The following ANO8 variants were observed in gnomAD, a reference collection of about 807,000 sequenced individuals.
ANO8 encodes anoctamin 8.
ANO8 carries 67 observed loss-of-function variants against 120.4 expected under a neutral mutation model. That is an observed-to-expected ratio of 0.56 (90% CI 0.46 to 0.68). The LOEUF is 0.68. Among genes scored for constraint, ANO8 ranks in the 30% least tolerant of loss-of-function variants. The probability of loss-of-function intolerance (pLI) is 0.00; values close to 1 mark genes in which losing one functional copy is unlikely to be tolerated. For synonymous variants in ANO8, 727 were observed against 759.2 expected, an observed-to-expected ratio of 0.96 and a Z score of 0.70; for missense variants, 1,526 against 1,737.6, an observed-to-expected ratio of 0.88 and a Z score of 2.16.
chr19:17,332,460 CTT>C lies in ANO8; in HGVS notation c.586+468_586+469del, dbSNP rs1260852177. Among the ~76,000 whole-genome samples, 10 of 152,226 alleles carry C rather than the reference CTT, an allele frequency of 6.6e-5. No homozygotes were observed. In the East Asian group the frequency reaches 1.7e-3, roughly 26 times the overall value. ...CCGAACGTCTGAGGAATGGTAAAAACTTGCTGTCGGAAGGTGAACTTGGGTGC... is the reference window on the plus strand; with the variant it reads ...CCGAACGTCTGAGGAATGGTAAAAACGCTGTCGGAAGGTGAACTTGGGTGC... On this transcript the variant is annotated intron_variant, in intron 5 of 17. Transcript: ENST00000159087.
chr19:17,324,511 A>C (rs972119067), intron 17 of ANO8, among the ~76,000 whole-genome samples: 1 of 151,938 alleles, frequency 6.6e-6, no homozygotes, highest in Non-Finnish European at 1.5e-5. Context: ...GGGGAGGGTC[A>C]GGCACGGGGC....
At position 17,328,465 on chromosome 19, in the gene ANO8, G is replaced by A; in HGVS notation, c.1923C>T (p.Ser641=). Residue 641 remains serine (S), a synonymous_variant, in exon 13 of 18, where the codon AGC becomes AGT. Coordinates refer to ENST00000159087, the MANE Select transcript of ANO8 (RefSeq NM_020959.3). ...PSPEALLEEG[S]PTMVEKGLEP... ...CCAGCCCCTTCTCCACCATAGTGGG[G>A]CTCCCTTCCTCCAGGAGGGCCTCCG... 3 of 1,575,210 alleles carry A rather than the reference G, an allele frequency of 1.9e-6. No individual in the cohort carries two copies. The highest frequency in any genetic ancestry group is 1.7e-6 in the Non-Finnish European group (2 of 1,165,610).
chr19:17,327,947 G>A (rs1251067014), intron 13 of ANO8, 67 bp from the exon 14 acceptor site: 13 of 1,562,724 alleles, frequency 8.3e-6, no homozygotes, highest in South Asian at 7.2e-5. Flanking sequence ...CATTGAGCCC[G>A]CCTCCCTCAG....
intron 10 of ANO8, 38 bp from the exon 11 acceptor site, chr19:17,330,052 T>TC (rs761888464): frequency 6.2e-7 from 1 of 1,613,430 alleles, no homozygotes; most frequent in Middle Eastern, 1.7e-4. Context: ...GCAGCCGCGG[T>TC]CCCCCCAAGG....
chr19:17,330,734 C>T (rs1402929680), intron 8 of ANO8, 94 bp downstream of exon 8: 1 of 1,492,666 alleles, frequency 6.7e-7, no homozygotes, highest in African/African-American at 1.4e-5. Context: ...ATGAAACAAT[C>T]CTGTTTCACA....
In ANO8 at chr19:17,327,842, G is replaced by T. The variant is rs1248707497; in HGVS notation, c.2265C>A (p.Phe755Leu). 6.2e-7 allele frequency: 1 copy of T among 1,614,146 alleles called. No homozygotes were observed. Among genetic ancestry groups the T allele is most frequent in the South Asian group, 1.1e-5 (1 of 91,084 alleles). Residue 755 changes from phenylalanine (F) to leucine (L), a missense_variant, in exon 14 of 18, where the codon TTC (phenylalanine) becomes TTA (leucine). Around this residue, in one of 8 missense-constraint regions of ANO8, gnomAD observed 77 missense variants for 131.5 expected, o/e 0.59. Transcript: ENST00000159087. ...CGGACGAGAAGAGCACAACGTAGCCGAACTGCACGAACATCTCCTGGTAGT... is the reference window on the plus strand; with the variant it reads ...CGGACGAGAAGAGCACAACGTAGCCTAACTGCACGAACATCTCCTGGTAGT... ...FQDYQEMFVQ[F>L]GYVVLFSSAF...
chr19:17,325,103 A>ATG lies in ANO8; in HGVS notation c.2943_2944dup (p.Ile982ThrfsTer338). On this transcript the variant is annotated frameshift_variant, in exon 17 of 18. Transcript: ENST00000159087. LOFTEE classifies it high-confidence loss of function. ...CGAGAGGAATTTGCCCTGCAGTGGG[A>ATG]TGATCTGCTTCAACTTCATGACGTT... 6.2e-7 allele frequency: 1 copy of ATG among 1,613,640 alleles called. No individual in the cohort carries two copies. Among genetic ancestry groups the ATG allele is most frequent in the Non-Finnish European group, 8.5e-7 (1 of 1,179,936 alleles).
chr19:17,329,360 C>A, intron 12 of ANO8: 1 of 352,860 alleles, frequency 2.8e-6, no homozygotes, highest in Non-Finnish European at 5.2e-6. Context: ...CCCAGCACAG[C>A]CACGCTGCCC....
rs1463817117 is a variant in ANO8, at chr19:17,328,833, G to A, written c.1555C>T (p.Arg519Trp). ...TCGAGGCGGCGGGGCGCAGGGCGCC[G>A]GAGGCTCAGGAGGCCAAGCAGGGCT... The part of the protein sequence containing the change: ...ARALLGLLSL[R>W]RPAPRRLEPQ... The change falls in exon 13 of 18, where the codon CGG becomes TGG. Residue 519 changes from arginine (R) to tryptophan (W), a missense_variant. By Grantham distance (101) the Arg-to-Trp change is moderately radical. Transcript: ENST00000159087. 4.1e-6 allele frequency: 6 copies of A among 1,453,454 alleles called. No individual in the cohort carries two copies. Among genetic ancestry groups the A allele is most frequent in the African/African-American group, 1.5e-5 (1 of 67,624 alleles). 90.0% of individuals were successfully genotyped at this position (1,453,454 alleles called of 1,614,324 possible).
chr19:17,333,064 G>A lies in ANO8; in HGVS notation c.489+37C>T, dbSNP rs777079750. The A allele has an allele frequency of 2.5e-6, 4 of 1,613,760 alleles. No individual in the cohort carries two copies. Among genetic ancestry groups the A allele is most frequent in the African/African-American group, 2.7e-5 (2 of 74,946 alleles). On this transcript the variant is annotated intron_variant, in intron 4 of 17. Transcript: ENST00000159087. This position sits in a 1 kb window ranked among gnomAD's most constrained non-coding sequence, Gnocchi z 7.2. ...GGGCGTGAGCTCAGGGAACTCATAG[G>A]CACAGGATGCATGCGGGGGCCCAGA...
At chr19:17,324,642 C>T (rs1390548979) in intron 17 of ANO8, 75 bp downstream of exon 17, 5 of 1,500,788 alleles carry the variant, frequency 3.3e-6, no homozygotes, top group Non-Finnish European at 4.4e-6. Context: ...TTCAGCCCCT[C>T]TCCCCAGGCC....
chr19:17,328,783 G>T lies in ANO8; in HGVS notation c.1605C>A (p.Gly535=). ...TGCGGCCCCCGCCCCCGCTGCCGCC[G>T]CCCCCGCCCTCATCCGCCTGGGGTT... ...RLEPQADEGG[G]GGSGGGGRRC... Residue 535 remains glycine (G), a synonymous_variant, in exon 13 of 18, where the codon GGC becomes GGA. Transcript: ENST00000159087. 7.6e-7 allele frequency: 1 copy of T among 1,315,824 alleles called. No individual in the cohort carries two copies. Among genetic ancestry groups the T allele is most frequent in the Non-Finnish European group, 9.6e-7 (1 of 1,040,152 alleles). The allele number at this position is 1,315,824 out of a possible 1,614,324, so 81.5% of individuals were successfully genotyped here.
rs2074283883 is a variant in ANO8 at position 17,327,896 on chromosome 19, C to A, written c.2227-16G>T. ...GGAACGTGTCCTGCGAGTGGGCGGG[C>A]CTCAGACCTGGAAGCCTCTTCCCTG... On this transcript the variant is annotated splice_polypyrimidine_tract_variant and intron_variant, in intron 13 of 17. Transcript: ENST00000159087. The A allele has an allele frequency of 6.2e-7, 1 of 1,608,760 alleles. No individual in the cohort carries two copies. Among genetic ancestry groups the A allele is most frequent in the Non-Finnish European group, 8.5e-7 (1 of 1,176,540 alleles).
Position 17,328,405 on chromosome 19 carries a change from G to T in ANO8, c.1983C>A (p.Asp661Glu). The part of the protein sequence containing the change: ...PGVFTLAEED[D>E]EAEGAPGSPE... ...GGCTGCCGGGAGCCCCCTCCGCCTC[G>T]TCGTCCTCCTCGGCCAGGGTGAACA... The change falls in exon 13 of 18, where the codon GAC becomes GAA. Residue 661 changes from aspartate to glutamate, a missense_variant. Physicochemically the swap from Asp to Glu is conservative, Grantham distance 45. Coordinates refer to ENST00000159087, the MANE Select transcript of ANO8 (RefSeq NM_020959.3). 4.5e-6 allele frequency: 7 copies of T among 1,572,072 alleles called. No individual in the cohort carries two copies. In the South Asian group the frequency reaches 6.9e-5, roughly 15 times the overall value.
intron 8 of ANO8, 99 bp downstream of exon 8, chr19:17,330,729 A>T: frequency 1.3e-6 from 2 of 1,495,362 alleles, no homozygotes; most frequent in Non-Finnish European, 1.8e-6. Flanking sequence ...CTTTGATGAA[A>T]CAATCCTGTT....
chr19:17,329,497 C>A (rs1241996637), intron 12 of ANO8: 10 of 541,970 alleles, frequency 1.8e-5, no homozygotes, highest in Non-Finnish European at 3.0e-5. Context: ...GCACCGCCTG[C>A]AGCTGCCGCT....
Position 17,325,285 on chromosome 19 carries a change from C to T in ANO8, c.2763G>A (p.Glu921=), listed in dbSNP as rs760044302. 2 of 1,607,152 alleles carry T rather than the reference C, an allele frequency of 1.2e-6. No homozygotes were observed. The highest frequency in any genetic ancestry group is 1.7e-5 in the Admixed American group (1 of 59,990). Residue 921 remains glutamate (E), a synonymous_variant, in exon 17 of 18, where the codon GAG becomes GAA. Coordinates refer to ENST00000159087, the MANE Select transcript of ANO8 (RefSeq NM_020959.3). The part of the protein sequence containing the change: ...QRHAEHHARR[E]HDSGGREEAR... ...CCTCCTCTCGGCCACCAGAATCATG[C>T]TCCCGCCGGGCATGGTGCTCTGCAT...
chr19:17,327,934 T>C, intron 13 of ANO8, 54 bp from the exon 14 acceptor site: 2 of 1,581,314 alleles, frequency 1.3e-6, no homozygotes, highest in Non-Finnish European at 1.7e-6. Context: ...ACAATCTTTC[T>C]CCCATTGAGC....
chr19:17,333,460 C>G lies in ANO8; in HGVS notation c.312G>C (p.Thr104=), dbSNP rs371083731. Reference sequence around the variant, plus strand: ...CGGTGACAAAGAAGGCGTAGGCACGCGTGTGGCGGTGGTGGCGGACTTGCA... The same window carrying G: ...CGGTGACAAAGAAGGCGTAGGCACGGGTGTGGCGGTGGTGGCGGACTTGCA... ...LIVQVRHHRH[T]RAYAFFVTAT... is the part of the protein sequence containing the mutation. Residue 104 remains threonine (T), a synonymous_variant, in exon 3 of 18, where the codon ACG becomes ACC. Coordinates refer to ENST00000159087, the MANE Select transcript of ANO8 (RefSeq NM_020959.3). The surrounding 1 kb of genome is among the most constrained non-coding windows in gnomAD (Gnocchi z 7.2). 9.3e-6 allele frequency: 15 copies of G among 1,613,466 alleles called. No homozygotes were observed. The highest frequency in any genetic ancestry group is 8.5e-7 in the Non-Finnish European group (1 of 1,180,024).
Sources: gnomAD v4.1 joint callset for allele counts (sites outside exome capture counted in the v4.1 genomes callset) on GRCh38, gnomAD v4.1.1 for gene constraint, gnomAD v4.1.1 regional missense constraint, Gnocchi (gnomAD v3.1) non-coding constraint, MANE v1.5 for transcripts, NCBI Gene and HGNC (gene_info 2026-07-23, HGNC 2026-07-21) for gene names.